Variants in PCDH15 observed in about 807,000 individuals in gnomAD.
PCDH15 encodes the protein protocadherin related 15.
A neutral mutation model predicts 178.5 loss-of-function variants in PCDH15; 129 were observed. That is an observed-to-expected ratio of 0.72 (90% CI 0.63 to 0.84). PCDH15 has a LOEUF of 0.84. Among genes scored for constraint, PCDH15 ranks in the 40% least tolerant of loss-of-function variants. The pLI, the probability that PCDH15 is intolerant of heterozygous loss-of-function variation, is 0.00. For synonymous variants in PCDH15, 800 were observed against 732.0 expected (o/e 1.09, Z -1.50); for missense variants, 2,230 against 2,099.9 (o/e 1.06, Z -1.21).
At chr10:54,566,271 AC>A (rs1760459568) in intron 2 of PCDH15, among the ~76,000 whole-genome samples, 1 of 152,126 alleles carries the variant, frequency 6.6e-6, no homozygotes, top group Non-Finnish European at 1.5e-5. Flanking sequence ...CCCATGCATA[AC>A]TTGTATTATC....
chr10:54,880,658 C>T (rs944703204), intron 3 of PCDH15, among the ~76,000 whole-genome samples: 12 of 151,106 alleles, frequency 7.9e-5, no homozygotes, highest in African/African-American at 2.9e-4. Context: ...TGAAAACTGA[C>T]TTCTTATCTC....
At chr10:55,504,739 T>A (rs1192581345) in intron 2 of PCDH15, among the ~76,000 whole-genome samples, 1 of 151,444 alleles carries the variant, frequency 6.6e-6, no homozygotes, top group Non-Finnish European at 1.5e-5. Context: ...TATTATACTG[T>A]TATTTTTATA....
chr10:54,104,977 G>T (rs2094884872), intron 15 of PCDH15, among the ~76,000 whole-genome samples: 1 of 151,280 alleles, frequency 6.6e-6, no homozygotes. Flanking sequence ...TAAACTCTTT[G>T]CCTCTCACAA....
chr10:54,367,887 C>T (rs1436289371), intron 5 of PCDH15, among the ~76,000 whole-genome samples: 2 of 151,254 alleles, frequency 1.3e-5, no homozygotes, highest in Non-Finnish European at 2.9e-5. Flanking sequence ...GATAATTCAC[C>T]TATCACTTTA....
At chr10:55,436,444 T>A (rs1057408791) in intron 2 of PCDH15, among the ~76,000 whole-genome samples, 7 of 152,174 alleles carry the variant, frequency 4.6e-5, no homozygotes, top group African/African-American at 1.7e-4. Flanking sequence ...ATATAAGTTA[T>A]TTATATCTTG....
chr10:54,047,922 G>T (rs2093688907), intron 18 of PCDH15, among the ~76,000 whole-genome samples: 1 of 152,112 alleles, frequency 6.6e-6, no homozygotes, highest in Non-Finnish European at 1.5e-5. Flanking sequence ...TTTCCTTTGG[G>T]TATATACCCA....
chr10:54,084,403 G>A (rs1783226970), intron 16 of PCDH15, among the ~76,000 whole-genome samples: 2 of 151,666 alleles, frequency 1.3e-5, no homozygotes, highest in South Asian at 4.2e-4. Flanking sequence ...AACCCAGGAG[G>A]CGGAGGTTGC....
chr10:55,319,140 C>A (rs1843816695), intron 1 of PCDH15, among the ~76,000 whole-genome samples: 1 of 151,978 alleles, frequency 6.6e-6, no homozygotes, highest in Non-Finnish European at 1.5e-5. Flanking sequence ...CCCATAAGCA[C>A]AGTTCTAAGA....
chr10:54,022,353 A>C (rs1007053434), intron 19 of PCDH15, among the ~76,000 whole-genome samples: 3 of 152,106 alleles, frequency 2.0e-5, no homozygotes, highest in African/African-American at 7.2e-5. Flanking sequence ...ACAATACAGA[A>C]TAATGGGTAT....
chr10:55,578,604 T>C (rs1842543344), intron 2 of PCDH15, among the ~76,000 whole-genome samples: 1 of 152,112 alleles, frequency 6.6e-6, no homozygotes, highest in South Asian at 2.1e-4. Context: ...TTCATTGACG[T>C]TGATTTTAGT....
At chr10:54,820,614 C>G (rs1329427837) in intron 3 of PCDH15, among the ~76,000 whole-genome samples, 6 of 151,924 alleles carry the variant, frequency 3.9e-5, no homozygotes, top group Non-Finnish European at 1.5e-5. Flanking sequence ...TTAAATGTTG[C>G]TTAAATATCC....
Position 53,853,542 on chromosome 10 carries a change from A to T in PCDH15, c.3806+3633T>A, listed in dbSNP as rs1327766390. ...ACATCTGATAAGGGATTAGTATCTA[A>T]TATCTAAACAACTCCTACAACTAAA... On this transcript the variant is annotated intron_variant, in intron 28 of 37. Coordinates refer to ENST00000644397, the MANE Select transcript of PCDH15 (RefSeq NM_001384140.1). 2.0e-5 allele frequency among the ~76,000 whole-genome samples: 3 copies of T among 152,080 alleles called. No homozygotes were observed. The East Asian group carries it at 5.8e-4, about 29-fold the overall frequency.
chr10:55,159,493 A>T (rs1365700228), intron 2 of PCDH15, among the ~76,000 whole-genome samples: 1 of 149,380 alleles, frequency 6.7e-6, no homozygotes, highest in Non-Finnish European at 1.5e-5. Context: ...ACACACATAC[A>T]CACACACACA....
At chr10:54,240,748 C>T (rs1215928000) in intron 8 of PCDH15, among the ~76,000 whole-genome samples, 3 of 149,502 alleles carry the variant, frequency 2.0e-5, no homozygotes, top group African/African-American at 7.4e-5. Flanking sequence ...TCTCCTGCCT[C>T]AGCCTCCCGA....
intron 1 of PCDH15, among the ~76,000 whole-genome samples, chr10:54,780,706 C>T (rs1454560862): frequency 7.6e-6 from 1 of 132,322 alleles, no homozygotes; most frequent in Non-Finnish European, 1.6e-5. Flanking sequence ...GGCATTTTTA[C>T]ACTCATCAGG....
chr10:54,073,857 G>A (rs72794996), intron 17 of PCDH15, among the ~76,000 whole-genome samples: 25,840 of 152,034 alleles, frequency 0.17, 2,731 homozygotes, highest in Non-Finnish European at 0.25. Context: ...CTGTGTTATT[G>A]GTTGATTAAC....
chr10:55,385,588 A>T (rs1747035451), intron 2 of PCDH15, among the ~76,000 whole-genome samples: 1 of 150,808 alleles, frequency 6.6e-6, no homozygotes, highest in Admixed American at 6.6e-5. Context: ...AATTACAAGA[A>T]AGACAAAATT....
At chr10:54,701,451 T>C (rs2095307974) in intron 1 of PCDH15, among the ~76,000 whole-genome samples, 1 of 152,046 alleles carries the variant, frequency 6.6e-6, no homozygotes, top group African/African-American at 2.4e-5. Context: ...TCTGCACATA[T>C]CAGTATTAAC....
chr10:54,162,966 T>A (rs1007621776), intron 13 of PCDH15, among the ~76,000 whole-genome samples: 2 of 151,954 alleles, frequency 1.3e-5, no homozygotes, highest in Non-Finnish European at 2.9e-5. Flanking sequence ...AAGTGTGGGA[T>A]GAAATATAAA....
Sources: gnomAD v4.1 joint callset for allele counts (sites outside exome capture counted in the v4.1 genomes callset) on GRCh38, gnomAD v4.1.1 for gene constraint, MANE v1.5 for transcripts, NCBI Gene and HGNC (gene_info 2026-07-23, HGNC 2026-07-21) for gene names.